The following DCBLD2 variants were observed in gnomAD, a reference collection of about 807,000 sequenced individuals.
The protein encoded by DCBLD2 is discoidin, CUB and LCCL domain-containing protein 2.
In DCBLD2, 54 loss-of-function variants were observed where a neutral mutation model predicts 86.8. The ratio of observed to expected loss-of-function variants is 0.62; its 90% CI spans 0.50 to 0.78. The LOEUF (loss-of-function observed/expected upper bound fraction) is 0.78, where lower values mean the gene tolerates loss of function less well. Among genes scored for constraint, DCBLD2 ranks in the 30% least tolerant of loss-of-function variants. The pLI is 0.00. For synonymous variants in DCBLD2, 354 were observed against 341.3 expected (o/e 1.04, Z -0.41); for missense variants, 908 against 954.2 (o/e 0.95, Z 0.64).
chr3:98,881,872 T>C, intron 1 of DCBLD2, 105 bp from the exon 2 acceptor site: 1 of 1,089,682 alleles, frequency 9.2e-7, no homozygotes, highest in Non-Finnish European at 1.3e-6. Context: ...TCAAATATTT[T>C]ATACCACCCA....
intron 1 of DCBLD2, among the ~76,000 whole-genome samples, chr3:98,886,814 T>TCC (rs1315190577): frequency 7.0e-6 from 1 of 143,148 alleles, no homozygotes; most frequent in African/African-American, 2.5e-5. Context: ...CCCCCCTTTT[T>TCC]TTTTTTTTTT....
chr3:98,804,688 T>C (rs1198359918), intron 13 of DCBLD2, among the ~76,000 whole-genome samples: 2 of 152,232 alleles, frequency 1.3e-5, no homozygotes, highest in Non-Finnish European at 2.9e-5. Context: ...TTTAGTGCTA[T>C]AAATTTCCCT....
intron 2 of DCBLD2, among the ~76,000 whole-genome samples, chr3:98,866,738 T>C (rs1943153886): frequency 6.6e-6 from 1 of 152,220 alleles, no homozygotes; most frequent in Non-Finnish European, 1.5e-5. Flanking sequence ...ATTTTGGCTT[T>C]TGTTGCCATT....
intron 2 of DCBLD2, among the ~76,000 whole-genome samples, chr3:98,860,969 T>C (rs1205695339): frequency 1.3e-5 from 2 of 152,150 alleles, no homozygotes; most frequent in African/African-American, 4.8e-5. Context: ...TGTGCTGTAT[T>C]CAGGAGACCC....
chr3:98,859,342 T>C (rs907217743), intron 2 of DCBLD2, among the ~76,000 whole-genome samples: 2 of 152,174 alleles, frequency 1.3e-5, no homozygotes, highest in African/African-American at 4.8e-5. Context: ...CTCTACAGAC[T>C]TAAATGTCCC....
At chr3:98,896,837 T>A (rs918970424) in intron 1 of DCBLD2, among the ~76,000 whole-genome samples, 1 of 152,192 alleles carries the variant, frequency 6.6e-6, no homozygotes. Context: ...TCACTATCTT[T>A]ATGAAGCTTT....
chr3:98,851,669 C>T (rs1056112640), intron 2 of DCBLD2, among the ~76,000 whole-genome samples: 2 of 152,204 alleles, frequency 1.3e-5, no homozygotes, highest in Non-Finnish European at 2.9e-5. Flanking sequence ...CATCACGCTA[C>T]CTGACTTCAA....
chr3:98,819,470 T>C, intron 7 of DCBLD2, 53 bp from the exon 8 acceptor site: 2 of 1,579,242 alleles, frequency 1.3e-6, no homozygotes, highest in Non-Finnish European at 1.7e-6. Context: ...TCAAAATGCA[T>C]GTAGACCTGC....
chr3:98,852,015 G>A (rs963587382), intron 2 of DCBLD2, among the ~76,000 whole-genome samples: 2 of 152,164 alleles, frequency 1.3e-5, no homozygotes, highest in African/African-American at 4.8e-5. Context: ...TCAGGACATA[G>A]GCATGGGCCA....
At chr3:98,861,728 T>G (rs1182991009) in intron 2 of DCBLD2, among the ~76,000 whole-genome samples, 4 of 150,608 alleles carry the variant, frequency 2.7e-5, no homozygotes, top group Non-Finnish European at 5.9e-5. Flanking sequence ...TTTAAAGCAG[T>G]GTGTAGAGGG....
rs1404375014 is a variant in DCBLD2 at position 98,881,720 on chromosome 3, T to C, written c.253A>G (p.Thr85Ala). The C allele has an allele frequency of 1.2e-6, 2 of 1,613,806 alleles. No individual in the cohort carries two copies. Among genetic ancestry groups the C allele is most frequent in the African/African-American group, 2.7e-5 (2 of 74,900 alleles). ...TAGGTCTGTGGGTAGTTTATGGATGTAAGGGTTCCACTCTCAGGGCCTAGT... is the reference window on the plus strand; with the variant it reads ...TAGGTCTGTGGGTAGTTTATGGATGCAAGGGTTCCACTCTCAGGGCCTAGT... ...TVLGPESGTL[T>A]SINYPQTYPN... The change falls in exon 2 of 16, where the codon ACA becomes GCA. Residue 85 changes from threonine to alanine, a missense_variant. By Grantham distance (58) the Thr-to-Ala change is moderately conservative. This residue lies in a region of DCBLD2 where 294 missense variants were observed against 256.0 expected (regional missense o/e 1.15). Transcript: ENST00000326840.
intron 13 of DCBLD2, chr3:98,805,161 T>G (rs921498782): frequency 6.6e-6 from 1 of 152,208 alleles, no homozygotes; most frequent in Non-Finnish European, 1.5e-5. Context: ...TAAGACTATA[T>G]TTTTGATACT....
At chr3:98,818,543 A>C (rs2107443950) in intron 8 of DCBLD2, among the ~76,000 whole-genome samples, 1 of 152,258 alleles carries the variant, frequency 6.6e-6, no homozygotes, top group African/African-American at 2.4e-5. Context: ...GAAGGATGAA[A>C]AGTATTGTTC....
intron 3 of DCBLD2, among the ~76,000 whole-genome samples, chr3:98,825,865 T>C (rs1396857827): frequency 6.6e-6 from 1 of 151,938 alleles, no homozygotes; most frequent in Non-Finnish European, 1.5e-5. Context: ...TAACTGCTAA[T>C]TAAAATCTGG....
intron 4 of DCBLD2, 62 bp downstream of exon 4, chr3:98,825,236 TACAGAATGAAAATGAAG>T (rs1942193495): frequency 4.6e-6 from 5 of 1,075,918 alleles, no homozygotes; most frequent in Middle Eastern, 6.0e-4. Context: ...CCTAAGAGTA[TACAGAATGAAAATGAAG>T]AAGTGAATGA....
chr3:98,852,472 C>T (rs959463555), intron 2 of DCBLD2, among the ~76,000 whole-genome samples: 2 of 152,142 alleles, frequency 1.3e-5, no homozygotes, highest in Non-Finnish European at 2.9e-5. Context: ...GTCTAGAACT[C>T]CTGACCTGTG....
Position 98,848,037 on chromosome 3 carries a change from C to T in DCBLD2, c.571+1424G>A, listed in dbSNP as rs970855036. 1.3e-5 allele frequency among the ~76,000 whole-genome samples: 2 copies of T among 152,090 alleles called. 1 individual carries two copies. Among genetic ancestry groups the T allele is most frequent in the South Asian group, 4.1e-4 (2 of 4,830 alleles). ...CAGGTTTGTTCCATAAGTAAGCTTG[C>T]GTCATGGGGGCTTGTTTTACAGATT... On this transcript the variant is annotated intron_variant, in intron 3 of 15. Coordinates refer to ENST00000326840, the MANE Select transcript of DCBLD2 (RefSeq NM_080927.4).
chr3:98,872,858 G>A (rs1039407191), intron 2 of DCBLD2, among the ~76,000 whole-genome samples: 3 of 152,076 alleles, frequency 2.0e-5, no homozygotes, highest in African/African-American at 7.2e-5. Flanking sequence ...AGATATGGAA[G>A]AGTTAAAATG....
chr3:98,849,261 G>A, intron 3 of DCBLD2, 200 bp downstream of exon 3: 1 of 601,710 alleles, frequency 1.7e-6, no homozygotes, highest in Middle Eastern at 4.6e-4. Flanking sequence ...ACTAAGGAAA[G>A]GGAAGTAACG....
Sources: gnomAD v4.1 joint callset for allele counts (sites outside exome capture counted in the v4.1 genomes callset) on GRCh38, gnomAD v4.1.1 for gene constraint, gnomAD v4.1.1 regional missense constraint, MANE v1.5 for transcripts, NCBI Gene and HGNC (gene_info 2026-07-23, HGNC 2026-07-21) for gene names.